CTNNA2: variants seen among roughly 807,000 people sequenced by gnomAD.
The protein encoded by CTNNA2 is catenin alpha 2, also known as catenin alpha-2.
In CTNNA2, 42 loss-of-function variants were observed where a neutral mutation model predicts 101.0. The ratio of observed to expected loss-of-function variants is 0.42; its 90% CI spans 0.32 to 0.54. The LOEUF is 0.54. Among genes scored for constraint, CTNNA2 ranks in the 20% least tolerant of loss-of-function variants. CTNNA2 has a pLI of 0.14. For synonymous variants in CTNNA2, 450 were observed against 456.4 expected (o/e 0.99, Z 0.18); for missense variants, 871 against 1,223.1 (o/e 0.71, Z 4.29).
At chr2:79,229,893 C>T (rs560361815) in intron 2 of CTNNA2, among the ~76,000 whole-genome samples, 1 of 152,296 alleles carries the variant, frequency 6.6e-6, no homozygotes, top group South Asian at 2.1e-4. Context: ...AGACTGGCGG[C>T]ATTATGCCCC....
intron 3 of CTNNA2, among the ~76,000 whole-genome samples, chr2:79,330,086 G>A (rs900476056): frequency 2.6e-5 from 4 of 152,132 alleles, no homozygotes; most frequent in African/African-American, 9.7e-5. Flanking sequence ...TGGTGTCATC[G>A]TTCACTGCCT....
intron 7 of CTNNA2, among the ~76,000 whole-genome samples, chr2:80,329,410 C>G (rs1018255418): frequency 6.6e-6 from 1 of 152,134 alleles, no homozygotes; most frequent in Non-Finnish European, 1.5e-5. Context: ...CCCATTGCAC[C>G]AGGTTGCTCT....
intron 3 of CTNNA2, among the ~76,000 whole-genome samples, chr2:79,338,578 A>ATCTTCTTCTTCTTCTTCTTCT (rs70940029): frequency 1.4e-4 from 16 of 117,804 alleles, no homozygotes; most frequent in Non-Finnish European, 1.7e-4. Context: ...CCTCCTCATC[A>ATCTTCTTCTTCTTCTTCTTCT]TCTTCTTCTT....
rs576942521 is a variant in CTNNA2 at position 79,192,340 on chromosome 2, T to C, written c.-523-5619T>C. Among the ~76,000 whole-genome samples, 156 of 152,304 alleles carry C rather than the reference T, an allele frequency of 1.0e-3. 1 individual carries two copies. The highest frequency in any genetic ancestry group is 1.5e-3 in the African/African-American group (64 of 41,564). Reference sequence around the variant, plus strand: ...TCTTACAGCTTAGGCTCAGCTTCAGTGTTCAACACAAAGTAGCCCTGGAAC... The same window carrying C: ...TCTTACAGCTTAGGCTCAGCTTCAGCGTTCAACACAAAGTAGCCCTGGAAC... On this transcript the variant is annotated intron_variant, in intron 1 of 21. Transcript: ENST00000466387.
intron 2 of CTNNA2, among the ~76,000 whole-genome samples, chr2:79,659,584 T>C (rs1681870831): frequency 1.3e-5 from 2 of 152,226 alleles, no homozygotes; most frequent in African/African-American, 4.8e-5. Flanking sequence ...GATTAACCCA[T>C]TTCCAAGTAT....
intron 4 of CTNNA2, among the ~76,000 whole-genome samples, chr2:79,398,895 C>G (rs556499728): frequency 2.6e-5 from 4 of 151,694 alleles, no homozygotes; most frequent in African/African-American, 9.7e-5. Flanking sequence ...AAACAATAAG[C>G]TTTGTGATGG....
chr2:80,636,913 A>G (rs1202830831), intron 18 of CTNNA2, among the ~76,000 whole-genome samples: 1 of 152,080 alleles, frequency 6.6e-6, no homozygotes, highest in Non-Finnish European at 1.5e-5. Flanking sequence ...CCTTTATTCC[A>G]TCTAAAGGAT....
chr2:79,670,446 C>G (rs984725532), intron 2 of CTNNA2, among the ~76,000 whole-genome samples: 1 of 152,124 alleles, frequency 6.6e-6, no homozygotes, highest in Non-Finnish European at 1.5e-5. Flanking sequence ...GGGGAGCTCC[C>G]GTCCGGACTC....
intron 7 of CTNNA2, among the ~76,000 whole-genome samples, chr2:80,306,405 T>C (rs1291773719): frequency 1.9e-5 from 1 of 53,262 alleles, no homozygotes; most frequent in Non-Finnish European, 4.1e-5. Context: ...TTTTCTTTTC[T>C]TTCTTTCTTT....
intron 6 of CTNNA2, among the ~76,000 whole-genome samples, chr2:79,891,560 G>C (rs916357542): frequency 5.3e-5 from 8 of 152,114 alleles, no homozygotes; most frequent in African/African-American, 1.9e-4. Context: ...GGTCTCTTAG[G>C]GAGGAGAAGA....
chr2:80,499,885 T>C (rs1414735762), intron 9 of CTNNA2, among the ~76,000 whole-genome samples: 1 of 151,836 alleles, frequency 6.6e-6, no homozygotes, highest in Non-Finnish European at 1.5e-5. Context: ...TACATGGGGA[T>C]TCACTATGCT....
chr2:79,432,390 T>A (rs1030856466), intron 4 of CTNNA2, among the ~76,000 whole-genome samples: 2 of 152,240 alleles, frequency 1.3e-5, no homozygotes, highest in African/African-American at 4.8e-5. Context: ...TATGTACATT[T>A]CACTATGTAA....
chr2:79,307,247 C>T (rs1156258936), intron 2 of CTNNA2, among the ~76,000 whole-genome samples: 3 of 152,084 alleles, frequency 2.0e-5, no homozygotes, highest in East Asian at 1.9e-4. Flanking sequence ...TGGGAATGTT[C>T]GACATCCTCC....
At chr2:80,553,548 A>G (rs1489300053) in intron 11 of CTNNA2, among the ~76,000 whole-genome samples, 1 of 152,210 alleles carries the variant, frequency 6.6e-6, no homozygotes, top group East Asian at 1.9e-4. Context: ...TATTAACTCC[A>G]GAAGGATTAG....
intron 7 of CTNNA2, among the ~76,000 whole-genome samples, chr2:80,348,065 GC>G (rs1245080974): frequency 6.6e-6 from 1 of 152,042 alleles, no homozygotes; most frequent in Non-Finnish European, 1.5e-5. Flanking sequence ...CTAGTTCAGA[GC>G]AGAACCAGAA....
chr2:79,668,795 C>T (rs1004628637), intron 2 of CTNNA2, among the ~76,000 whole-genome samples: 2 of 152,180 alleles, frequency 1.3e-5, no homozygotes, highest in African/African-American at 4.8e-5. Flanking sequence ...ATTTTTAGAA[C>T]ATAAGACATA....
intron 7 of CTNNA2, among the ~76,000 whole-genome samples, chr2:80,139,000 C>T (rs1248130263): frequency 6.6e-6 from 1 of 152,022 alleles, no homozygotes; most frequent in Non-Finnish European, 1.5e-5. Context: ...ATGTTTACTT[C>T]CCAGAAGGAC....
At chr2:79,474,499 C>A (rs1242600172) in intron 4 of CTNNA2, among the ~76,000 whole-genome samples, 2 of 151,860 alleles carry the variant, frequency 1.3e-5, no homozygotes, top group Non-Finnish European at 2.9e-5. Flanking sequence ...AAAAAGGAAG[C>A]CTTGAATAAA....
chr2:79,356,276 CCTCTA>C (rs1558643175), intron 3 of CTNNA2, among the ~76,000 whole-genome samples: 3 of 151,398 alleles, frequency 2.0e-5, no homozygotes, highest in Non-Finnish European at 4.4e-5. Context: ...TTATTTAAGT[CCTCTA>C]CTCATTTTTT....
Sources: gnomAD v4.1 joint callset for allele counts (sites outside exome capture counted in the v4.1 genomes callset) on GRCh38, gnomAD v4.1.1 for gene constraint, MANE v1.5 for transcripts, NCBI Gene and HGNC (gene_info 2026-07-23, HGNC 2026-07-21) for gene names.